Variants in SPTBN1 observed in about 807,000 individuals in gnomAD.
SPTBN1 encodes the protein spectrin beta chain, non-erythrocytic 1.
A neutral mutation model predicts 266.4 loss-of-function variants in SPTBN1; 32 were observed. The observed-to-expected ratio is 0.12, with a 90% confidence interval of 0.09 to 0.16. SPTBN1 has a LOEUF of 0.16. Ranked by LOEUF, SPTBN1 falls within the 10% of genes least tolerant of loss-of-function variation. The pLI, the probability that SPTBN1 is intolerant of heterozygous loss-of-function variation, is 1.00. For missense variants in SPTBN1, 2,296 were observed against 3,067.1 expected, an observed-to-expected ratio of 0.75 and a Z score of 5.94; for synonymous variants, 1,336 against 1,162.2, an observed-to-expected ratio of 1.15 and a Z score of -3.04.
At chr2:54,459,603 A>T (rs547986953) in intron 1 of SPTBN1, among the ~76,000 whole-genome samples, 2 of 152,064 alleles carry the variant, frequency 1.3e-5, no homozygotes, top group East Asian at 1.9e-4. Context: ...TTAAAGCCTA[A>T]TTTTTTTTAC....
chr2:54,563,007 C>G (rs908545553), intron 2 of SPTBN1, among the ~76,000 whole-genome samples: 33 of 152,088 alleles, frequency 2.2e-4, no homozygotes, highest in African/African-American at 7.7e-4. Flanking sequence ...TTTGTCTGGT[C>G]TTTATAACAT....
chr2:54,465,057 G>T (rs946271832), intron 1 of SPTBN1, among the ~76,000 whole-genome samples: 1 of 152,012 alleles, frequency 6.6e-6, no homozygotes, highest in Non-Finnish European at 1.5e-5. Flanking sequence ...TTTTAAAAAG[G>T]AAAGAAAAAA....
At chr2:54,459,954 AT>A (rs1476820468) in intron 1 of SPTBN1, among the ~76,000 whole-genome samples, 1 of 152,036 alleles carries the variant, frequency 6.6e-6, no homozygotes, top group African/African-American at 2.4e-5. Flanking sequence ...AACATCATCT[AT>A]TTTTTTCTAC....
At position 54,630,627 on chromosome 2, in the gene SPTBN1, A is replaced by G. The variant is rs1304955739; in HGVS notation, c.2808-228A>G. Among the ~76,000 whole-genome samples, 7 of 152,244 alleles carry G rather than the reference A, an allele frequency of 4.6e-5. No homozygotes were observed. The East Asian group carries it at 1.2e-3, about 25-fold the overall frequency. On this transcript the variant is annotated intron_variant, in intron 15 of 35. Coordinates refer to ENST00000356805, the MANE Select transcript of SPTBN1 (RefSeq NM_003128.3). ...ATTGCTCACATTGGAGCTCTGTAACACATTCCTCTTCGTGACAGGCTTTTT... is the reference window on the plus strand; with the variant it reads ...ATTGCTCACATTGGAGCTCTGTAACGCATTCCTCTTCGTGACAGGCTTTTT...
At chr2:54,568,152 G>A (rs576264549) in intron 2 of SPTBN1, among the ~76,000 whole-genome samples, 12 of 152,138 alleles carry the variant, frequency 7.9e-5, no homozygotes, top group South Asian at 2.1e-4. Flanking sequence ...AGGCTGAGGC[G>A]GGCGGATCAC....
intron 23 of SPTBN1, 32 bp from the exon 24 acceptor site, chr2:54,647,099 G>A (rs777748377): frequency 1.2e-5 from 19 of 1,613,806 alleles, no homozygotes; most frequent in East Asian, 4.5e-5. Flanking sequence ...AGAGGGGACC[G>A]CTATGGTTGT....
chr2:54,661,332 C>G, intron 32 of SPTBN1: 2 of 985,874 alleles, frequency 2.0e-6, no homozygotes, highest in Middle Eastern at 5.2e-4. Flanking sequence ...GAGACATTCA[C>G]TTGCTCTTTT....
At chr2:54,668,250 T>A (rs1395327016) in intron 35 of SPTBN1, 101 bp from the exon 36 acceptor site, 1 of 1,104,720 alleles carries the variant, frequency 9.1e-7, no homozygotes, top group Non-Finnish European at 1.3e-6. Flanking sequence ...TGACTCTGCT[T>A]ACCCCTCAGT....
At chr2:54,643,667 G>C (rs1679729396) in intron 19 of SPTBN1, among the ~76,000 whole-genome samples, 1 of 151,808 alleles carries the variant, frequency 6.6e-6, no homozygotes, top group South Asian at 2.1e-4. Flanking sequence ...ACTTTTTATA[G>C]TGTTTCAGAT....
chr2:54,507,114 TG>T (rs1669613849), intron 1 of SPTBN1, among the ~76,000 whole-genome samples: 1 of 152,050 alleles, frequency 6.6e-6, no homozygotes. Flanking sequence ...TTAAGGGTGG[TG>T]GAGATTACAA....
intron 2 of SPTBN1, among the ~76,000 whole-genome samples, chr2:54,575,367 T>C (rs1206196139): frequency 6.6e-6 from 1 of 152,234 alleles, no homozygotes; most frequent in Non-Finnish European, 1.5e-5. Flanking sequence ...ATAAAGCTTT[T>C]GCTATTGATG....
chr2:54,473,440 A>G (rs1402482040), intron 1 of SPTBN1, among the ~76,000 whole-genome samples: 1 of 152,016 alleles, frequency 6.6e-6, no homozygotes, highest in Non-Finnish European at 1.5e-5. Context: ...TATTGAGCCT[A>G]TGACTTCTAA....
At chr2:54,499,787 T>A (rs1669153931) in intron 1 of SPTBN1, among the ~76,000 whole-genome samples, 1 of 152,032 alleles carries the variant, frequency 6.6e-6, no homozygotes, top group Non-Finnish European at 1.5e-5. Context: ...GCTTTCCCCC[T>A]TCCTTTAGCC....
At chr2:54,459,805 G>T (rs1693264827) in intron 1 of SPTBN1, among the ~76,000 whole-genome samples, 1 of 152,146 alleles carries the variant, frequency 6.6e-6, no homozygotes, top group South Asian at 2.1e-4. Context: ...AGTGAGTAAA[G>T]CATCTCATGG....
chr2:54,493,417 G>GGGGGGC (rs1370587328), intron 1 of SPTBN1, among the ~76,000 whole-genome samples: 1 of 149,754 alleles, frequency 6.7e-6, no homozygotes. Flanking sequence ...TTTTTTGGGG[G>GGGGGGC]GTTGGGGGAG....
At chr2:54,590,808 G>A (rs1675624650) in intron 2 of SPTBN1, among the ~76,000 whole-genome samples, 1 of 152,208 alleles carries the variant, frequency 6.6e-6, no homozygotes, top group East Asian at 1.9e-4. Context: ...AGGAGAGCCC[G>A]TTTGGGACCT....
intron 1 of SPTBN1, among the ~76,000 whole-genome samples, chr2:54,461,890 G>A (rs4671936): frequency 0.61 from 92,233 of 151,988 alleles, 29,590 homozygotes; most frequent in African/African-American, 0.83. Flanking sequence ...TTTGATGATC[G>A]GTTATTTGTA....
In SPTBN1 at chr2:54,659,970, G is replaced by T. The variant is rs767915045; in HGVS notation, c.6391G>T (p.Gly2131Cys). 1 of 1,613,902 alleles carries T rather than the reference G, an allele frequency of 6.2e-7. No individual in the cohort carries two copies. The highest frequency in any genetic ancestry group is 8.5e-7 in the Non-Finnish European group (1 of 1,180,014). Residue 2131 changes from glycine to cysteine, a missense_variant, in exon 32 of 36, where the codon GGT becomes TGT. By Grantham distance (159) the Gly-to-Cys change is radical. Coordinates refer to ENST00000356805, the MANE Select transcript of SPTBN1 (RefSeq NM_003128.3). ...TSKGEQVSQN[G>C]LPAEQGSPRM... ...AAAAGGAGAACAAGTTTCCCAAAAC[G>T]GTTTGCCAGCTGAACAGGGATCTCC...
At chr2:54,489,733 G>C (rs2104003907) in intron 1 of SPTBN1, among the ~76,000 whole-genome samples, 1 of 152,260 alleles carries the variant, frequency 6.6e-6, no homozygotes, top group Non-Finnish European at 1.5e-5. Flanking sequence ...ATTCTGATTT[G>C]AGAGCTGATG....
Sources: allele counts gnomAD v4.1 joint callset (sites outside exome capture counted in the v4.1 genomes callset), GRCh38; gene constraint gnomAD v4.1.1; transcripts MANE v1.5; gene names NCBI Gene and HGNC (gene_info 2026-07-23, HGNC 2026-07-21).